The following CLVS1 variants were observed in gnomAD, a reference collection of about 807,000 sequenced individuals.
CLVS1 encodes clavesin-1.
Under a neutral mutation model 33.1 loss-of-function variants are expected in CLVS1, and 10 were observed. The ratio of observed to expected loss-of-function variants is 0.30; its 90% CI spans 0.19 to 0.51. The LOEUF is 0.51. Ranked by LOEUF, CLVS1 falls within the 20% of genes least tolerant of loss-of-function variation. The pLI is 0.97. For missense variants in CLVS1, 343 were observed against 433.4 expected, an observed-to-expected ratio of 0.79 and a Z score of 1.85; for synonymous variants, 163 against 166.1, an observed-to-expected ratio of 0.98 and a Z score of 0.14.
intron 5 of CLVS1, among the ~76,000 whole-genome samples, chr8:61,490,237 GC>G (rs1267379951): frequency 2.6e-5 from 4 of 151,216 alleles, no homozygotes; most frequent in African/African-American, 9.7e-5. Context: ...ATGCTTTGAT[GC>G]TTTGAACCTG....
At chr8:61,211,618 G>C (rs1006994519) in intron 2 of CLVS1, among the ~76,000 whole-genome samples, 1 of 152,240 alleles carries the variant, frequency 6.6e-6, no homozygotes, top group African/African-American at 2.4e-5. Flanking sequence ...GCCAGGCAAT[G>C]GTTGCAAGTA....
At chr8:61,073,658 T>G (rs1018904567) in intron 1 of CLVS1, among the ~76,000 whole-genome samples, 2 of 152,068 alleles carry the variant, frequency 1.3e-5, no homozygotes, top group African/African-American at 2.4e-5. Flanking sequence ...ACGATAGATA[T>G]TACTAAGCAT....
At position 61,203,075 on chromosome 8, in the gene CLVS1, A is replaced by G. The variant is rs192943982; in HGVS notation, c.-152+71215A>G. On this transcript the variant is annotated intron_variant, in intron 2 of 2. Coordinates refer to the CLVS1 transcript ENST00000522621. ...AACACCAAAAGGACCTAGTTCTGTA[A>G]AAGACATTAAAGCAAAAATGCAAGC... 8.2e-4 allele frequency: 1,062 copies of G among 1,297,332 alleles called. 6 individuals are homozygous for G. In the African/African-American group the frequency reaches 0.013, roughly 16 times the overall value. The allele number at this position is 1,297,332 out of a possible 1,614,324, so 80.4% of individuals were successfully genotyped here. A position where few individuals can be genotyped will look rare whatever the true frequency, so the allele number is the denominator to read the frequency against.
At chr8:61,495,818 G>A (rs1043753950) in intron 5 of CLVS1, among the ~76,000 whole-genome samples, 2 of 152,140 alleles carry the variant, frequency 1.3e-5, no homozygotes, top group Admixed American at 1.3e-4. Flanking sequence ...TTTATTCTGA[G>A]GTCACACCAG....
intron 2 of CLVS1, among the ~76,000 whole-genome samples, chr8:61,233,061 T>G (rs2129312471): frequency 6.6e-6 from 1 of 152,358 alleles, no homozygotes; most frequent in Non-Finnish European, 1.5e-5. Context: ...CAAAAACTCA[T>G]TATTTATTAA....
chr8:61,188,814 C>T (rs1287340852), intron 2 of CLVS1, among the ~76,000 whole-genome samples: 1 of 151,918 alleles, frequency 6.6e-6, no homozygotes, highest in Admixed American at 6.6e-5. Context: ...AACAGAAATG[C>T]TCTGTAATTC....
At chr8:61,080,488 C>CT (rs981991565) in intron 1 of CLVS1, among the ~76,000 whole-genome samples, 1 of 152,220 alleles carries the variant, frequency 6.6e-6, no homozygotes, top group African/African-American at 2.4e-5. Context: ...ATGAAAATCT[C>CT]TGAGTTCTAG....
chr8:61,343,051 C>A (rs1384438202), intron 2 of CLVS1, among the ~76,000 whole-genome samples: 3 of 152,112 alleles, frequency 2.0e-5, no homozygotes, highest in Admixed American at 6.5e-5. Flanking sequence ...TCTCTACACT[C>A]GATGGAGACT....
upstream of CLVS1, among the ~76,000 whole-genome samples, chr8:61,283,840 G>A (rs904687338): frequency 6.6e-6 from 1 of 152,134 alleles, no homozygotes; most frequent in African/African-American, 2.4e-5. Flanking sequence ...CTGGTGGTTG[G>A]CAACACATGG....
chr8:61,148,142 G>A (rs138673455), intron 2 of CLVS1, among the ~76,000 whole-genome samples: 13 of 152,304 alleles, frequency 8.5e-5, no homozygotes, highest in African/African-American at 2.2e-4. Flanking sequence ...TATTCTTTGG[G>A]TCCTGAATGA....
At chr8:61,480,766 A>G (rs1440936272) in intron 5 of CLVS1, among the ~76,000 whole-genome samples, 2 of 152,098 alleles carry the variant, frequency 1.3e-5, no homozygotes, top group Non-Finnish European at 2.9e-5. Context: ...AGACTAGGGT[A>G]CAGAAGGGTT....
At chr8:61,406,009 G>T (rs1012987663) in intron 3 of CLVS1, among the ~76,000 whole-genome samples, 1 of 152,112 alleles carries the variant, frequency 6.6e-6, no homozygotes, top group South Asian at 2.1e-4. Flanking sequence ...AATACTTTAA[G>T]GTGCCTGACA....
chr8:61,060,926 A>G (rs542830070), intron 1 of CLVS1, among the ~76,000 whole-genome samples: 1 of 152,292 alleles, frequency 6.6e-6, no homozygotes, highest in Non-Finnish European at 1.5e-5. Context: ...GACTTGGACT[A>G]TTCAGAGTAT....
At chr8:61,363,356 G>C (rs1478254789) in intron 2 of CLVS1, among the ~76,000 whole-genome samples, 1 of 152,160 alleles carries the variant, frequency 6.6e-6, no homozygotes, top group Admixed American at 6.5e-5. Flanking sequence ...AGGATATTTT[G>C]GACCCACTTT....
At chr8:61,214,844 C>T (rs565815700) in intron 2 of CLVS1, among the ~76,000 whole-genome samples, 1 of 152,174 alleles carries the variant, frequency 6.6e-6, no homozygotes, top group Non-Finnish European at 1.5e-5. Flanking sequence ...CTTGGCAGCT[C>T]TGTTTCCCAC....
At chr8:61,267,295 C>T (rs983940259) in intron 2 of CLVS1, among the ~76,000 whole-genome samples, 2 of 151,956 alleles carry the variant, frequency 1.3e-5, no homozygotes, top group Non-Finnish European at 2.9e-5. Context: ...TTAAGTTTTT[C>T]ATTTTTCAAT....
At chr8:61,470,039 G>A (rs1309786908) in intron 5 of CLVS1, among the ~76,000 whole-genome samples, 1 of 152,204 alleles carries the variant, frequency 6.6e-6, no homozygotes, top group African/African-American at 2.4e-5. Context: ...ATACTGGAGT[G>A]TTCCACAGAT....
intron 1 of CLVS1, among the ~76,000 whole-genome samples, chr8:61,071,615 T>C (rs1804797942): frequency 6.6e-6 from 1 of 152,182 alleles, no homozygotes; most frequent in Non-Finnish European, 1.5e-5. Flanking sequence ...ACACACAACT[T>C]CTGCAGATGA....
chr8:61,410,066 G>GTTTTTTTTTTTTTTT (rs201195565), intron 3 of CLVS1, among the ~76,000 whole-genome samples: 22 of 106,914 alleles, frequency 2.1e-4, no homozygotes, highest in African/African-American at 6.5e-4. Context: ...ACTTGCAGAG[G>GTTTTTTTTTTTTTTT]TTTTTTTTTT....
Sources: allele counts gnomAD v4.1 joint callset (sites outside exome capture counted in the v4.1 genomes callset), GRCh38; gene constraint gnomAD v4.1.1; transcripts MANE v1.5; gene names NCBI Gene and HGNC (gene_info 2026-07-23, HGNC 2026-07-21).